The following CCDC178 variants were observed in gnomAD, a reference collection of about 807,000 sequenced individuals.
The protein encoded by CCDC178 is coiled-coil domain-containing protein 178.
In CCDC178, 126 loss-of-function variants were observed where a neutral mutation model predicts 117.4. That is an observed-to-expected ratio of 1.07 (90% confidence interval 0.93 to 1.24). CCDC178 has a LOEUF of 1.24. Among genes scored for constraint, CCDC178 ranks in the 50% most tolerant of loss-of-function variants. The pLI is 0.00. For synonymous variants in CCDC178, 283 were observed against 313.4 expected (o/e 0.90, Z 1.02); for missense variants, 1,030 against 986.9 (o/e 1.04, Z -0.59).
At chr18:33,434,657 A>G (rs576911513) in intron 2 of CCDC178, among the ~76,000 whole-genome samples, 31 of 152,248 alleles carry the variant, frequency 2.0e-4, no homozygotes, top group Admixed American at 1.8e-3. Flanking sequence ...GGAAGACACA[A>G]AATAGAAGGT....
At chr18:33,414,843 C>A (rs905316654) in intron 2 of CCDC178, among the ~76,000 whole-genome samples, 39 of 152,286 alleles carry the variant, frequency 2.6e-4, no homozygotes, top group African/African-American at 8.7e-4. Flanking sequence ...AGAACTCAAA[C>A]AAATTTACAA....
chr18:33,264,986 A>C (rs2059795577), intron 14 of CCDC178, among the ~76,000 whole-genome samples: 1 of 152,000 alleles, frequency 6.6e-6, no homozygotes, highest in Admixed American at 6.6e-5. Flanking sequence ...TCCTTATTAG[A>C]TCACCGACTC....
intron 21 of CCDC178, among the ~76,000 whole-genome samples, chr18:33,009,102 A>G (rs1401427443): frequency 1.3e-5 from 2 of 152,012 alleles, no homozygotes; most frequent in Non-Finnish European, 2.9e-5. Flanking sequence ...AGAAGATCCT[A>G]TTGGTGCTAT....
intron 21 of CCDC178, among the ~76,000 whole-genome samples, chr18:32,984,085 C>T (rs1203487604): frequency 1.3e-5 from 2 of 151,888 alleles, no homozygotes; most frequent in Non-Finnish European, 2.9e-5. Context: ...TCACATAGCT[C>T]ATTTCTGGAA....
At chr18:32,976,407 G>T (rs1488927409) in intron 21 of CCDC178, among the ~76,000 whole-genome samples, 2 of 151,966 alleles carry the variant, frequency 1.3e-5, no homozygotes, top group African/African-American at 4.8e-5. Flanking sequence ...GGGTATTGGG[G>T]GTTCAGGAAT....
At chr18:32,975,499 G>T (rs957236916) in intron 21 of CCDC178, among the ~76,000 whole-genome samples, 2 of 152,006 alleles carry the variant, frequency 1.3e-5, no homozygotes, top group East Asian at 1.9e-4. Context: ...CCGTAGGCAC[G>T]CCATACAGAA....
chr18:33,151,314 C>G (rs1223394697), intron 20 of CCDC178, among the ~76,000 whole-genome samples: 2 of 151,840 alleles, frequency 1.3e-5, no homozygotes, highest in East Asian at 1.9e-4. Flanking sequence ...GTGGCGAGCA[C>G]CTGAAAAAAA....
chr18:33,372,420 T>A (rs2063311845), intron 5 of CCDC178, among the ~76,000 whole-genome samples: 2 of 152,136 alleles, frequency 1.3e-5, no homozygotes, highest in Admixed American at 1.3e-4. Context: ...AGGTCTCAGA[T>A]TTCTTATTTA....
chr18:32,951,613 G>A (rs888489075), intron 22 of CCDC178, among the ~76,000 whole-genome samples: 1 of 152,102 alleles, frequency 6.6e-6, no homozygotes, highest in African/African-American at 2.4e-5. Flanking sequence ...ATTTGGGTGG[G>A]GCACCAAGCC....
intron 9 of CCDC178, among the ~76,000 whole-genome samples, chr18:33,339,298 A>C (rs796852046): frequency 1.1e-4 from 17 of 152,166 alleles, no homozygotes; most frequent in African/African-American, 4.1e-4. Flanking sequence ...TAAAGGAAGC[A>C]AAAGTGGACT....
chr18:33,047,024 A>G (rs1227654653), intron 21 of CCDC178, among the ~76,000 whole-genome samples: 2 of 152,170 alleles, frequency 1.3e-5, no homozygotes, highest in Non-Finnish European at 2.9e-5. Flanking sequence ...GAACTGTGCT[A>G]TTTTTTATTC....
At chr18:33,129,359 TATG>T (rs1409245104) in intron 20 of CCDC178, among the ~76,000 whole-genome samples, 2 of 152,116 alleles carry the variant, frequency 1.3e-5, no homozygotes, top group Non-Finnish European at 2.9e-5. Context: ...AACTCCCTAT[TATG>T]ATGTTTTAGA....
chr18:32,999,932 C>G (rs895119271), intron 21 of CCDC178, among the ~76,000 whole-genome samples: 2 of 151,988 alleles, frequency 1.3e-5, no homozygotes, highest in Non-Finnish European at 2.9e-5. Context: ...ATTAACTCTG[C>G]AATGTCTAGG....
At chr18:33,066,481 A>G (rs1193585586) in intron 21 of CCDC178, among the ~76,000 whole-genome samples, 1 of 152,236 alleles carries the variant, frequency 6.6e-6, no homozygotes, top group Non-Finnish European at 1.5e-5. Context: ...ATAAAATGAT[A>G]GCAATAAGTC....
intron 2 of CCDC178, among the ~76,000 whole-genome samples, chr18:33,435,979 T>C (rs2064284800): frequency 6.6e-6 from 1 of 152,120 alleles, no homozygotes; most frequent in African/African-American, 2.4e-5. Flanking sequence ...CGATGGTATA[T>C]GTGTGTCCAA....
rs190847645 is a variant in CCDC178 at position 33,292,335 on chromosome 18, A to T, written c.1176+824T>A. On this transcript the variant is annotated intron_variant, in intron 12 of 22. Transcript: ENST00000383096. ...ATAAGCCTAGCACAGAAAAATGAAT[A>T]CCATATGTTCTCATTCATACATGGA... 5.3e-5 allele frequency among the ~76,000 whole-genome samples: 8 copies of T among 152,298 alleles called. No individual in the cohort carries two copies. The East Asian group carries it at 1.5e-3, about 29-fold the overall frequency.
At chr18:32,971,949 T>A (rs2054935902) in intron 22 of CCDC178, among the ~76,000 whole-genome samples, 1 of 152,080 alleles carries the variant, frequency 6.6e-6, no homozygotes, top group African/African-American at 2.4e-5. Flanking sequence ...ATCACAAACT[T>A]TTTTTCCCAT....
At chr18:33,201,519 G>A (rs1350930550) in intron 20 of CCDC178, among the ~76,000 whole-genome samples, 1 of 152,188 alleles carries the variant, frequency 6.6e-6, no homozygotes, top group African/African-American at 2.4e-5. Flanking sequence ...CCTCTGGACT[G>A]ATGCGAATGT....
At chr18:33,010,072 G>A (rs113946836) in intron 21 of CCDC178, among the ~76,000 whole-genome samples, 1 of 152,228 alleles carries the variant, frequency 6.6e-6, no homozygotes, top group African/African-American at 2.4e-5. Flanking sequence ...GCTCTTGATA[G>A]TAAAAGAATA....
Sources: gnomAD v4.1 joint callset for allele counts (sites outside exome capture counted in the v4.1 genomes callset) on GRCh38, gnomAD v4.1.1 for gene constraint, MANE v1.5 for transcripts, NCBI Gene and HGNC (gene_info 2026-07-23, HGNC 2026-07-21) for gene names.